The following UGGT1 variants were observed in gnomAD, a reference collection of about 807,000 sequenced individuals.
The protein encoded by UGGT1 is UDP-glucose glycoprotein glucosyltransferase 1.
In UGGT1, 107 loss-of-function variants were observed where a neutral mutation model predicts 203.9. The ratio of observed to expected loss-of-function variants is 0.52; its 90% CI spans 0.45 to 0.62. The LOEUF is 0.62. UGGT1 is among the 20% of genes least tolerant of loss of function. The pLI, the probability that UGGT1 is intolerant of heterozygous loss-of-function variation, is 0.00. For synonymous variants in UGGT1, 628 were observed against 653.5 expected (o/e 0.96, Z 0.59); for missense variants, 1,673 against 1,867.2 (o/e 0.90, Z 1.92).
In UGGT1 at chr2:128,136,130, T is replaced by C. The variant is rs148950113; in HGVS notation, c.1583+1169T>C. Among the ~76,000 whole-genome samples, 801 of 152,258 alleles carry C rather than the reference T, an allele frequency of 5.3e-3. 13 individuals are homozygous for C. Among genetic ancestry groups the C allele is most frequent in the African/African-American group, 0.017 (707 of 41,544 alleles). ...TCCTAGGCAACTGAGAGATTGTGAATAGTTGGAGAGAGCCAGGCATACAGG... is the reference window on the plus strand; with the variant it reads ...TCCTAGGCAACTGAGAGATTGTGAACAGTTGGAGAGAGCCAGGCATACAGG... On this transcript the variant is annotated intron_variant, in intron 15 of 40. Transcript: ENST00000259253.
Position 128,186,753 on chromosome 2 carries a change from C to T in UGGT1, c.4430C>T (p.Thr1477Met), listed in dbSNP as rs773515276. The change falls in exon 39 of 41, where the codon ACG (threonine) becomes ATG (methionine). Residue 1477 changes from threonine (T) to methionine (M), a missense_variant. By Grantham distance (81) the Thr-to-Met change is moderately conservative. Around this residue, in one of 4 missense-constraint regions of UGGT1, gnomAD observed 513 missense variants for 684.1 expected, o/e 0.75. Coordinates refer to ENST00000259253, the MANE Select transcript of UGGT1 (RefSeq NM_020120.4). ...CCTCAAGAATGGCTTTGGTGTGAAA[C>T]GTGGTGTGATGACGCCTCTAAGAAA... ...SLPQEWLWCETWCDDASKKRA... is the reference protein window; with the variant it reads ...SLPQEWLWCEMWCDDASKKRA... The T allele has an allele frequency of 1.9e-6, 3 of 1,613,154 alleles. No individual in the cohort carries two copies. The highest frequency in any genetic ancestry group is 2.2e-5 in the East Asian group (1 of 44,864).
At chr2:128,128,039 A>G (rs1313540356) in intron 12 of UGGT1, among the ~76,000 whole-genome samples, 2 of 152,056 alleles carry the variant, frequency 1.3e-5, no homozygotes, top group East Asian at 1.9e-4. Context: ...GCACCCCTGC[A>G]CTCCAGCCTG....
Position 128,097,525 on chromosome 2 carries a change from C to A in UGGT1, c.155C>A (p.Thr52Lys), listed in dbSNP as rs144422433. Residue 52 changes from threonine to lysine, a missense_variant, in exon 2 of 41, where the codon ACA (threonine) becomes AAA (lysine). Transcript: ENST00000259253. The part of the protein sequence containing the change: ...ADSKAITTSL[T>K]TKWFSTPLLL... ...TCAAAAGCCATTACAACCTCTCTTACAACAAAATGGTTTTCCACTCCATTG... is the reference window on the plus strand; with the variant it reads ...TCAAAAGCCATTACAACCTCTCTTAAAACAAAATGGTTTTCCACTCCATTG... The A allele has an allele frequency of 8.1e-6, 13 of 1,614,192 alleles. No homozygotes were observed. The highest frequency in any genetic ancestry group is 8.0e-5 in the African/African-American group (6 of 75,048).
At chr2:128,168,258 G>C (rs1690895216) in intron 26 of UGGT1, among the ~76,000 whole-genome samples, 1 of 152,210 alleles carries the variant, frequency 6.6e-6, no homozygotes, top group Admixed American at 6.5e-5. Context: ...CACACTTTGA[G>C]AACAGTTGTA....
intron 36 of UGGT1, among the ~76,000 whole-genome samples, 168 bp downstream of exon 36, chr2:128,181,240 C>T (rs1313070729): frequency 6.6e-6 from 1 of 152,194 alleles, no homozygotes; most frequent in East Asian, 1.9e-4. Context: ...TTGCATTTAG[C>T]TTATCTCCTT....
At chr2:128,178,385 G>A (rs567485545) in intron 33 of UGGT1, 83 bp from the exon 34 acceptor site, 648 of 1,154,066 alleles carry the variant, frequency 5.6e-4, no homozygotes, top group Non-Finnish European at 7.1e-4. Context: ...GATGGGAAGC[G>A]CAGTCTCTTT....
chr2:128,158,570 AT>A (rs1690363217), intron 22 of UGGT1, among the ~76,000 whole-genome samples: 5 of 152,234 alleles, frequency 3.3e-5, no homozygotes, highest in Non-Finnish European at 7.3e-5. Context: ...GTAGTATTAT[AT>A]CATATGGCTG....
chr2:128,189,704 T>C lies in UGGT1; in HGVS notation c.4643-13T>C. The stretch of plus-strand genomic sequence containing the variant: ...TCATCTGTTTTCTTTTCTGTGGTTC[T>C]CCTTTTCCTTAGGTCCTCAGAAACG... On this transcript the variant is annotated splice_polypyrimidine_tract_variant and intron_variant, in intron 40 of 40. Transcript: ENST00000259253. 1 of 1,607,926 alleles carries C rather than the reference T, an allele frequency of 6.2e-7. No individual in the cohort carries two copies. The highest frequency in any genetic ancestry group is 1.1e-5 in the South Asian group (1 of 90,158).
chr2:128,093,744 T>C (rs1418145666), intron 1 of UGGT1, among the ~76,000 whole-genome samples: 1 of 152,116 alleles, frequency 6.6e-6, no homozygotes, highest in Non-Finnish European at 1.5e-5. Context: ...CAGGAAGGTG[T>C]GGGTTCTAAG....
chr2:128,182,014 C>A, intron 36 of UGGT1, 116 bp from the exon 37 acceptor site: 1 of 978,226 alleles, frequency 1.0e-6, no homozygotes, highest in Non-Finnish European at 1.5e-6. Context: ...GTGCCTGTGC[C>A]ACTAACCACG....
At chr2:128,137,171 C>T (rs1246647007) in intron 15 of UGGT1, among the ~76,000 whole-genome samples, 1 of 152,128 alleles carries the variant, frequency 6.6e-6, no homozygotes, top group Non-Finnish European at 1.5e-5. Flanking sequence ...AATCCCAGGA[C>T]TTTGGGAGGC....
At chr2:128,105,934 A>G (rs1034185372) in intron 3 of UGGT1, among the ~76,000 whole-genome samples, 1 of 152,060 alleles carries the variant, frequency 6.6e-6, no homozygotes, top group Non-Finnish European at 1.5e-5. Context: ...AGTAGCTGGT[A>G]TTATAGGTGT....
Position 128,143,085 on chromosome 2 carries a change from T to C in UGGT1, c.1720-9T>C. On this transcript the variant is annotated splice_polypyrimidine_tract_variant and intron_variant, in intron 16 of 40. Transcript: ENST00000259253. Reference sequence around the variant, plus strand: ...AGTGTAGTTAACCAACTGTTTTTTCTTTCTTCAGATCTATAACAAGGTGAG... The same window carrying C: ...AGTGTAGTTAACCAACTGTTTTTTCCTTCTTCAGATCTATAACAAGGTGAG... 3 of 1,575,294 alleles carry C rather than the reference T, an allele frequency of 1.9e-6. No individual in the cohort carries two copies. Among genetic ancestry groups the C allele is most frequent in the South Asian group, 1.2e-5 (1 of 82,942 alleles).
intron 16 of UGGT1, among the ~76,000 whole-genome samples, chr2:128,140,833 A>G (rs1689384433): frequency 6.6e-6 from 1 of 152,090 alleles, no homozygotes; most frequent in Non-Finnish European, 1.5e-5. Flanking sequence ...ATGCATCACC[A>G]TACCCAGCTA....
chr2:128,121,551 G>A (rs946602337), intron 10 of UGGT1, among the ~76,000 whole-genome samples: 2 of 151,864 alleles, frequency 1.3e-5, no homozygotes, highest in African/African-American at 2.4e-5. Flanking sequence ...TACTACAGAC[G>A]TGCGTCACCA....
intron 5 of UGGT1, among the ~76,000 whole-genome samples, chr2:128,111,821 T>C (rs1687868455): frequency 6.6e-6 from 1 of 150,562 alleles, no homozygotes; most frequent in Non-Finnish European, 1.5e-5. Flanking sequence ...AATAAAAAGC[T>C]AATCATATTC....
rs1393739528 is a variant in UGGT1 at position 128,120,431 on chromosome 2, A to G, written c.948A>G (p.Ala316=). The change falls in exon 9 of 41, where the codon GCA becomes GCG. Residue 316 remains alanine (A), a synonymous_variant. Transcript: ENST00000259253. ...KHLVESTNEM[A]PLKVWQLQDL... Reference sequence around the variant, plus strand: ...TTGTAGAGAGCACCAATGAAATGGCACCTTTAAAGGTTTGGCAGTTGCAAG... The same window carrying G: ...TTGTAGAGAGCACCAATGAAATGGCGCCTTTAAAGGTTTGGCAGTTGCAAG... 6.2e-7 allele frequency: 1 copy of G among 1,614,026 alleles called. No homozygotes were observed. Among genetic ancestry groups the G allele is most frequent in the East Asian group, 2.2e-5 (1 of 44,864 alleles).
intron 16 of UGGT1, among the ~76,000 whole-genome samples, chr2:128,140,875 A>G (rs1001511006): frequency 7.9e-5 from 12 of 152,132 alleles, no homozygotes; most frequent in African/African-American, 2.9e-4. Context: ...TTTGGTAGAG[A>G]TGATGTCTCA....
intron 1 of UGGT1, among the ~76,000 whole-genome samples, chr2:128,091,762 GA>G (rs1183006527): frequency 1.3e-5 from 2 of 152,186 alleles, no homozygotes; most frequent in Non-Finnish European, 2.9e-5. Flanking sequence ...CACTTTGCAG[GA>G]CCCTGATTGC....
Sources: gnomAD v4.1 joint callset for allele counts (sites outside exome capture counted in the v4.1 genomes callset) on GRCh38, gnomAD v4.1.1 for gene constraint, gnomAD v4.1.1 regional missense constraint, MANE v1.5 for transcripts, NCBI Gene and HGNC (gene_info 2026-07-23, HGNC 2026-07-21) for gene names.